COL6A6: variants seen among roughly 807,000 people sequenced by gnomAD.
COL6A6 encodes collagen type VI alpha 6 chain.
Under a neutral mutation model 208.6 loss-of-function variants are expected in COL6A6, and 183 were observed. That is an observed-to-expected ratio of 0.88 (90% confidence interval 0.78 to 0.99). The LOEUF is 0.99. Ranked by LOEUF, COL6A6 falls within the 50% of genes least tolerant of loss-of-function variation. The pLI, the probability that COL6A6 is intolerant of heterozygous loss-of-function variation, is 0.00. For missense variants in COL6A6, 2,816 were observed against 2,815.2 expected (o/e 1.00, Z -0.01); for synonymous variants, 973 against 1,011.8 (o/e 0.96, Z 0.73).
At chr3:130,609,054 C>A in intron 22 of COL6A6, 90 bp downstream of exon 22, 1 of 921,238 alleles carries the variant, frequency 1.1e-6, no homozygotes, top group African/African-American at 1.7e-5. Flanking sequence ...CTTCAAATCT[C>A]CCTTGCAGAA....
In COL6A6 at chr3:130,574,091, G is replaced by A. The variant is rs372502446; in HGVS notation, c.3113G>A (p.Arg1038Gln). Residue 1038 changes from arginine (R) to glutamine (Q), a missense_variant, in exon 8 of 37, where the codon CGA becomes CAA. Coordinates refer to ENST00000358511, the MANE Select transcript of COL6A6 (RefSeq NM_001102608.3). Reference protein sequence around the residue: ...QDFDVSLNRVRIGAAQFSDTY... With the variant: ...QDFDVSLNRVQIGAAQFSDTY... Reference sequence around the variant, plus strand: ...TTTGATGTCAGCCTCAACAGAGTGCGAATAGGAGCGGCCCAGTTTAGCGAT... The same window carrying A: ...TTTGATGTCAGCCTCAACAGAGTGCAAATAGGAGCGGCCCAGTTTAGCGAT... 13 of 1,613,900 alleles carry A rather than the reference G, an allele frequency of 8.1e-6. No homozygotes were observed. The highest frequency in any genetic ancestry group is 1.3e-5 in the African/African-American group (1 of 74,938).
intron 20 of COL6A6, among the ~76,000 whole-genome samples, chr3:130,600,220 T>G (rs183896199): frequency 1.3e-5 from 2 of 152,322 alleles, no homozygotes; most frequent in Admixed American, 6.5e-5. Context: ...AAACAATAGA[T>G]GCTTGTGAGG....
Position 130,563,406 on chromosome 3 carries a change from C to T in COL6A6, c.403C>T (p.Leu135=). 1 of 1,614,012 alleles carries T rather than the reference C, an allele frequency of 6.2e-7. No homozygotes were observed. Among genetic ancestry groups the T allele is most frequent in the Non-Finnish European group, 8.5e-7 (1 of 1,179,904 alleles). ...AGACAAGAAACAGTTTCCCCCAATT[C>T]TAGTGGTCCTGGCTTCATCTGAGTC... is the stretch of plus-strand genomic sequence containing the variant. The part of the protein sequence containing the change: ...GRDKKQFPPI[L]VVLASSESED... Residue 135 remains leucine, a synonymous_variant, in exon 3 of 37, where the codon CTA becomes TTA. Transcript: ENST00000358511.
chr3:130,518,689 A>AGAGACG (rs1171739098), intron 1 of COL6A6, among the ~76,000 whole-genome samples: 2 of 152,188 alleles, frequency 1.3e-5, no homozygotes, highest in Non-Finnish European at 1.5e-5. Context: ...TATTTTTAGT[A>AGAGACG]GAGACGGGGT....
intron 2 of COL6A6, among the ~76,000 whole-genome samples, chr3:130,562,271 C>A (rs923956481): frequency 2.6e-5 from 4 of 152,118 alleles, no homozygotes; most frequent in Non-Finnish European, 4.4e-5. Context: ...ATGAATGAAG[C>A]TTTAAAGGTT....
chr3:130,643,108 A>G (rs1455220040), intron 31 of COL6A6, 85 bp downstream of exon 31: 41 of 1,419,674 alleles, frequency 2.9e-5, no homozygotes, highest in Non-Finnish European at 3.6e-5. Flanking sequence ...AATTGAATTC[A>G]CCAGCCAATT....
chr3:130,547,153 C>T (rs905147719), intron 1 of COL6A6, among the ~76,000 whole-genome samples: 6 of 152,232 alleles, frequency 3.9e-5, no homozygotes, highest in Non-Finnish European at 5.9e-5. Context: ...ACGAGGCAGC[C>T]GACTGCGGAG....
intron 32 of COL6A6, among the ~76,000 whole-genome samples, chr3:130,647,772 A>AT (rs2065504229): frequency 6.6e-6 from 1 of 152,208 alleles, no homozygotes; most frequent in African/African-American, 2.4e-5. Context: ...TGCTGTGTTT[A>AT]TTATCTCTGA....
chr3:130,560,930 ACCACCTC>A (rs1444484436), intron 2 of COL6A6, among the ~76,000 whole-genome samples: 5 of 34,712 alleles, frequency 1.4e-4, no homozygotes, highest in Middle Eastern at 0.056. Context: ...CACACCCTTA[ACCACCTC>A]ACCATCTCCT....
At chr3:130,538,223 T>C (rs1440147551) in intron 1 of COL6A6, among the ~76,000 whole-genome samples, 2 of 152,186 alleles carry the variant, frequency 1.3e-5, no homozygotes, top group Admixed American at 1.3e-4. Flanking sequence ...AAATTATACC[T>C]ACTTTACAGG....
intron 1 of COL6A6, among the ~76,000 whole-genome samples, chr3:130,523,867 C>A (rs1711226108): frequency 6.6e-6 from 1 of 152,212 alleles, no homozygotes; most frequent in African/African-American, 2.4e-5. Flanking sequence ...CTCACAGTTT[C>A]TTCCAAACAG....
intron 1 of COL6A6, among the ~76,000 whole-genome samples, chr3:130,533,883 T>C (rs1292142152): frequency 6.6e-6 from 1 of 152,226 alleles, no homozygotes; most frequent in African/African-American, 2.4e-5. Context: ...CTTCAAGGCA[T>C]GTAGATCTAA....
At chr3:130,524,449 A>G (rs1365730105) in intron 1 of COL6A6, among the ~76,000 whole-genome samples, 1 of 152,210 alleles carries the variant, frequency 6.6e-6, no homozygotes, top group Admixed American at 6.5e-5. Context: ...ATTTTGGAAT[A>G]CATAGTCACT....
intron 35 of COL6A6, among the ~76,000 whole-genome samples, chr3:130,664,399 G>T (rs2066020243): frequency 6.6e-6 from 1 of 152,144 alleles, no homozygotes; most frequent in Admixed American, 6.5e-5. Context: ...AGATCTAGTT[G>T]TGTTTAGCAA....
At position 130,622,211 on chromosome 3, in the gene COL6A6, C is replaced by CT. The variant is rs57173034; in HGVS notation, c.4878+339dup. Reference sequence around the variant, plus strand: ...ATTTCCTCCCCCCGCCTACCCCCCCCTTTTTTTTTTTCCTTTCCTCCATTC... The same window carrying CT: ...ATTTCCTCCCCCCGCCTACCCCCCCCTTTTTTTTTTTTCCTTTCCTCCATTC... On this transcript the variant is annotated intron_variant, in intron 24 of 36. Coordinates refer to ENST00000358511, the MANE Select transcript of COL6A6 (RefSeq NM_001102608.3). Among the ~76,000 whole-genome samples, 1,089 of 135,696 alleles carry CT rather than the reference C, an allele frequency of 8.0e-3. 17 individuals carry two copies. The highest frequency in any genetic ancestry group is 0.026 in the African/African-American group (928 of 35,840). 89.0% of individuals were successfully genotyped at this position (135,696 alleles called of 152,430 possible). A position where few individuals can be genotyped will look rare whatever the true frequency, so the allele number is the denominator to read the frequency against.
intron 1 of COL6A6, among the ~76,000 whole-genome samples, chr3:130,536,347 A>G (rs1366750158): frequency 2.6e-5 from 4 of 152,206 alleles, no homozygotes; most frequent in Admixed American, 2.6e-4. Flanking sequence ...TGTTCATTCA[A>G]GTACCACAGT....
chr3:130,570,817 G>C lies in COL6A6; in HGVS notation c.2402-1G>C. 1 of 1,605,448 alleles carries C rather than the reference G, an allele frequency of 6.2e-7. No individual in the cohort carries two copies. The highest frequency in any genetic ancestry group is 8.5e-7 in the Non-Finnish European group (1 of 1,174,808). On this transcript the variant is annotated splice_acceptor_variant, in intron 6 of 36. Transcript: ENST00000358511. LOFTEE classifies it high-confidence loss of function. The stretch of plus-strand genomic sequence containing the variant: ...GGTTTACCTCTCTCTTCCTCTTTCA[G>C]AATGCAAGCGGATTGAAGTTTTAGA...
chr3:130,535,639 A>G (rs925586301), intron 1 of COL6A6, among the ~76,000 whole-genome samples: 4 of 152,078 alleles, frequency 2.6e-5, no homozygotes, highest in Non-Finnish European at 5.9e-5. Context: ...AAGTGGTGAA[A>G]ATGCCCCTAA....
At chr3:130,613,314 A>G (rs111404503) in intron 23 of COL6A6, among the ~76,000 whole-genome samples, 123 of 152,282 alleles carry the variant, frequency 8.1e-4, no homozygotes, top group African/African-American at 2.8e-3. Flanking sequence ...GTCAAAGATC[A>G]GATAGTTGTA....
Sources: gnomAD v4.1 joint callset for allele counts (sites outside exome capture counted in the v4.1 genomes callset) on GRCh38, gnomAD v4.1.1 for gene constraint, MANE v1.5 for transcripts, NCBI Gene and HGNC (gene_info 2026-07-23, HGNC 2026-07-21) for gene names.